PANX1: variants seen among roughly 807,000 people sequenced by gnomAD.
PANX1 encodes the protein pannexin 1, also known as pannexin-1.
PANX1 carries 30 observed loss-of-function variants against 38.7 expected under a neutral mutation model. The ratio of observed to expected loss-of-function variants is 0.78; its 90% confidence interval spans 0.58 to 1.05. The LOEUF (loss-of-function observed/expected upper bound fraction) is 1.05. Among genes scored for constraint, PANX1 ranks in the 50% least tolerant of loss-of-function variants. PANX1 has a pLI of 0.00. For synonymous variants in PANX1, 230 were observed against 212.2 expected (o/e 1.08, Z -0.73); for missense variants, 551 against 517.2 (o/e 1.07, Z -0.63).
chr11:94,152,664 A>G (rs1366766717), intron 1 of PANX1, among the ~76,000 whole-genome samples: 2 of 152,196 alleles, frequency 1.3e-5, no homozygotes, highest in Admixed American at 6.5e-5. Context: ...TTACGATCCT[A>G]TTGGTCAGTT....
intron 2 of PANX1, among the ~76,000 whole-genome samples, chr11:94,155,605 T>G (rs771215648): frequency 3.9e-5 from 6 of 152,082 alleles, no homozygotes; most frequent in Non-Finnish European, 5.9e-5. Context: ...AAGTGGAACA[T>G]CATAAAGGTC....
In PANX1 at chr11:94,175,731, T is replaced by C. The variant is rs908313321; in HGVS notation, c.322-2638T>C. 19 of 984,328 alleles carry C rather than the reference T, an allele frequency of 1.9e-5. No homozygotes were observed. The Admixed American group carries it at 1.2e-3, about 61-fold the overall frequency. The allele number at this position is 984,328 out of a possible 1,614,324, so 61.0% of individuals were successfully genotyped here. The stretch of plus-strand genomic sequence containing the variant: ...TGATTGGGCAAGAATTAAATGAACA[T>C]TCCTTCTCCCCACAGCCAGCTATGA... On this transcript the variant is annotated intron_variant, in intron 2 of 4. Transcript: ENST00000227638.
intron 1 of PANX1, among the ~76,000 whole-genome samples, chr11:94,130,069 C>T (rs1394433462): frequency 6.6e-6 from 1 of 152,212 alleles, no homozygotes; most frequent in African/African-American, 2.4e-5. Flanking sequence ...ATGAACAAGT[C>T]CCCTTCCTGT....
chr11:94,160,573 G>A (rs932723337), intron 2 of PANX1, among the ~76,000 whole-genome samples: 4 of 151,808 alleles, frequency 2.6e-5, no homozygotes, highest in Non-Finnish European at 5.9e-5. Context: ...TTTTCCATTT[G>A]CTTGCTAGAT....
chr11:94,128,957 A>C lies in PANX1; in HGVS notation c.-356A>C. The stretch of plus-strand genomic sequence containing the variant: ...GGCGCGGAGGGGCAGGGCCAGAGGG[A>C]AGCGCTTTGTTCCGCGCGTGGTTCC... On this transcript the variant is annotated 5_prime_UTR_variant, in exon 1 of 5. Transcript: ENST00000227638. The C allele has an allele frequency of 5.9e-6, 1 of 170,272 alleles. No individual in the cohort carries two copies. The allele number at this position is 170,272 out of a possible 1,614,324, so 10.5% of individuals were successfully genotyped here. A position where few individuals can be genotyped will look rare whatever the true frequency, so the allele number is the denominator to read the frequency against.
intron 2 of PANX1, among the ~76,000 whole-genome samples, chr11:94,177,117 C>T (rs1565386029): frequency 1.3e-5 from 2 of 150,040 alleles, no homozygotes; most frequent in Non-Finnish European, 1.5e-5. Flanking sequence ...ACTTTGAAAA[C>T]TAACCAGATG....
chr11:94,167,496 A>G (rs1947116085), intron 2 of PANX1, among the ~76,000 whole-genome samples: 1 of 152,210 alleles, frequency 6.6e-6, no homozygotes, highest in African/African-American at 2.4e-5. Context: ...CACATATGAT[A>G]TTCAGCACTC....
At position 94,129,035 on chromosome 11, in the gene PANX1, G is replaced by A; in HGVS notation, c.-278G>A. The A allele has an allele frequency of 7.1e-6, 2 of 282,780 alleles. No homozygotes were observed. The highest frequency in any genetic ancestry group is 2.2e-5 in the African/African-American group (1 of 45,448). The allele number at this position is 282,780 out of a possible 1,614,324, so 17.5% of individuals were successfully genotyped here. A position where few individuals can be genotyped will look rare whatever the true frequency, so the allele number is the denominator to read the frequency against. ...CGAATCCGAGTGCCGCGCGCGGCCC[G>A]GGGACTTGCACGGGCGTGCGGGGTG... is the stretch of plus-strand genomic sequence containing the variant. On this transcript the variant is annotated 5_prime_UTR_variant, in exon 1 of 5. Transcript: ENST00000227638.
intron 1 of PANX1, among the ~76,000 whole-genome samples, chr11:94,136,067 C>T (rs1946685169): frequency 1.3e-5 from 2 of 152,096 alleles, no homozygotes; most frequent in Admixed American, 1.3e-4. Flanking sequence ...TGAAAATCTT[C>T]GTAAATATTT....
chr11:94,165,358 T>C (rs1355252202), intron 2 of PANX1, among the ~76,000 whole-genome samples: 1 of 151,442 alleles, frequency 6.6e-6, no homozygotes, highest in East Asian at 1.9e-4. Flanking sequence ...AATTTTATTA[T>C]TATTATACTT....
rs554984111 is a variant in PANX1, at chr11:94,152,482, T to A, written c.182-1009T>A. Among the ~76,000 whole-genome samples, 5 of 152,270 alleles carry A rather than the reference T, an allele frequency of 3.3e-5. No individual in the cohort carries two copies. The East Asian group carries it at 7.8e-4, about 24-fold the overall frequency. ...GAGCACACTCCCAGGCTGTGATGGATGTGGAAGAGAGTGTGCCTGTCATGG... is the reference window on the plus strand; with the variant it reads ...GAGCACACTCCCAGGCTGTGATGGAAGTGGAAGAGAGTGTGCCTGTCATGG... On this transcript the variant is annotated intron_variant, in intron 1 of 4. Transcript: ENST00000227638.
intron 2 of PANX1, among the ~76,000 whole-genome samples, chr11:94,171,859 G>T (rs1436816266): frequency 1.3e-5 from 2 of 150,278 alleles, no homozygotes; most frequent in Non-Finnish European, 2.9e-5. Flanking sequence ...GTCTCGGGGG[G>T]TGGGGGGCAC....
Position 94,152,678 on chromosome 11 carries a change from C to T in PANX1, c.182-813C>T, listed in dbSNP as rs181487704. 3.9e-5 allele frequency among the ~76,000 whole-genome samples: 6 copies of T among 152,344 alleles called. No individual in the cohort carries two copies. In the East Asian group the frequency reaches 1.2e-3, roughly 29 times the overall value. On this transcript the variant is annotated intron_variant, in intron 1 of 4. Transcript: ENST00000227638. Reference sequence around the variant, plus strand: ...CTTACGATCCTATTGGTCAGTTTCCCTCCATGGCCTGTGTGTGTCAGGAGC... The same window carrying T: ...CTTACGATCCTATTGGTCAGTTTCCTTCCATGGCCTGTGTGTGTCAGGAGC...
chr11:94,147,659 TA>T (rs1397186022), intron 1 of PANX1, among the ~76,000 whole-genome samples: 1 of 152,226 alleles, frequency 6.6e-6, no homozygotes, highest in Non-Finnish European at 1.5e-5. Flanking sequence ...TTAAATGAGA[TA>T]AGCCTCGCAG....
rs185928474 is a variant in PANX1 at position 94,156,523 on chromosome 11, G to C, written c.321+2893G>C. ...AGGCTGTTCCTTGAGAATAAGGGGC[G>C]ATCCAGAATTAATCTAGCTCCCATA... On this transcript the variant is annotated intron_variant, in intron 2 of 4. Transcript: ENST00000227638. 5.2e-3 allele frequency among the ~76,000 whole-genome samples: 787 copies of C among 152,194 alleles called. 3 individuals are homozygous for C. The highest frequency in any genetic ancestry group is 0.014 in the Middle Eastern group (4 of 294).
chr11:94,173,494 G>T (rs1259989332), intron 2 of PANX1, among the ~76,000 whole-genome samples: 1 of 151,596 alleles, frequency 6.6e-6, no homozygotes, highest in Admixed American at 6.6e-5. Flanking sequence ...ACTCCCGTCT[G>T]CTCTGAATCT....
chr11:94,166,876 G>C (rs552908832), intron 2 of PANX1, among the ~76,000 whole-genome samples: 1 of 152,086 alleles, frequency 6.6e-6, no homozygotes, highest in Non-Finnish European at 1.5e-5. Flanking sequence ...AGTTAATGTC[G>C]TACTGGGTCA....
At chr11:94,162,551 G>C (rs1043050014) in intron 2 of PANX1, among the ~76,000 whole-genome samples, 1 of 152,200 alleles carries the variant, frequency 6.6e-6, no homozygotes, top group African/African-American at 2.4e-5. Flanking sequence ...TGTGCCATTT[G>C]CTAATACCGT....
chr11:94,153,095 A>C (rs528235757), intron 1 of PANX1, among the ~76,000 whole-genome samples: 2 of 152,006 alleles, frequency 1.3e-5, no homozygotes, highest in South Asian at 4.2e-4. Context: ...TTTTAGTCCA[A>C]TTTTCCGCAT....
Sources: allele counts gnomAD v4.1 joint callset (sites outside exome capture counted in the v4.1 genomes callset), GRCh38; gene constraint gnomAD v4.1.1; transcripts MANE v1.5; gene names NCBI Gene and HGNC (gene_info 2026-07-23, HGNC 2026-07-21).